The following WDR4 variants were observed in gnomAD, a reference collection of about 807,000 sequenced individuals.
WDR4 encodes tRNA (guanine-N(7)-)-methyltransferase non-catalytic subunit WDR4.
In WDR4, 47 loss-of-function variants were observed where a neutral mutation model predicts 48.6. That is an observed-to-expected ratio of 0.97 (90% CI 0.77 to 1.23). The LOEUF is 1.23. Ranked by LOEUF, WDR4 falls within the 50% of genes most tolerant of loss-of-function variation. The pLI is 0.00. For missense variants in WDR4, 606 were observed against 551.6 expected, an observed-to-expected ratio of 1.10 and a Z score of -0.99; for synonymous variants, 268 against 230.0, an observed-to-expected ratio of 1.17 and a Z score of -1.49.
At chr21:42,861,657 G>C (rs916446099) in intron 5 of WDR4, among the ~76,000 whole-genome samples, 3 of 152,224 alleles carry the variant, frequency 2.0e-5, no homozygotes, top group African/African-American at 7.2e-5. Flanking sequence ...AACAGGAAAT[G>C]TTTGGATCAA....
intron 1 of WDR4, chr21:42,879,100 G>A (rs2058568681): frequency 1.7e-6 from 2 of 1,186,578 alleles, no homozygotes; most frequent in South Asian, 3.1e-5. Context: ...GTCCCCGCCG[G>A]CGCCGCGGAG....
intron 6 of WDR4, among the ~76,000 whole-genome samples, chr21:42,859,420 CCA>C (rs559201669): frequency 2.7e-3 from 412 of 152,228 alleles, no homozygotes; most frequent in African/African-American, 9.7e-3. Context: ...AGGGAGCCTT[CCA>C]CACACCCGTG....
intron 5 of WDR4, among the ~76,000 whole-genome samples, chr21:42,861,316 AAAGG>A (rs1367726206): frequency 7.6e-6 from 1 of 131,018 alleles, no homozygotes; most frequent in Non-Finnish European, 1.6e-5. Context: ...AAGAGAAAAG[AAAGG>A]AAGGGAGGGG....
intron 9 of WDR4, 61 bp downstream of exon 9, chr21:42,853,508 C>T: frequency 1.3e-6 from 2 of 1,536,558 alleles, no homozygotes; most frequent in East Asian, 2.3e-5. Context: ...AGCTGCCGCC[C>T]CACACCCCCA....
At chr21:42,892,253 CAA>C in the WDR4 span, among the ~76,000 whole-genome samples, 57,930 of 122,524 alleles carry the variant, frequency 0.47, 14,416 homozygotes, top group African/African-American at 0.75. Flanking sequence ...GACTCCGTCT[CAA>C]AAAAAAAAAA....
chr21:42,876,639 G>A lies in WDR4; in HGVS notation c.155+63C>T, dbSNP rs1430879409. ...CAAGTAGGACAACAATTGCTTCTTA[G>A]ACCCTCTGGTCCCATTATCGAACCA... On this transcript the variant is annotated intron_variant, in intron 2 of 10. Transcript: ENST00000398208. 2.7e-6 allele frequency: 4 copies of A among 1,496,928 alleles called. No homozygotes were observed. In the East Asian group the frequency reaches 9.1e-5, roughly 34 times the overall value. The allele number at this position is 1,496,928 out of a possible 1,614,324, so 92.7% of individuals were successfully genotyped here.
intron 9 of WDR4, 140 bp from the exon 10 acceptor site, chr21:42,852,464 G>A: frequency 1.2e-6 from 1 of 861,052 alleles, no homozygotes; most frequent in South Asian, 1.7e-5. Flanking sequence ...CACCTTCTGT[G>A]GAGACCTGGG....
chr21:42,859,678 A>G lies in WDR4; in HGVS notation c.611T>C (p.Leu204Pro), dbSNP rs1158473224. ...AACACTTACCCCAGAGGAGGACAGA[A>G]GCAGCCCGGGCTGAGTTGGCACCAC... ...ISVVPTQPGL[L>P]LSSSGDGTLR... Residue 204 changes from leucine (L) to proline (P), a missense_variant, in exon 6 of 11, where the codon CTT becomes CCT. Transcript: ENST00000398208. The G allele has an allele frequency of 5.1e-6, 8 of 1,560,200 alleles. No homozygotes were observed. The highest frequency in any genetic ancestry group is 6.9e-6 in the Non-Finnish European group (8 of 1,152,340).
At chr21:42,859,058 A>G (rs1014952276) in intron 6 of WDR4, among the ~76,000 whole-genome samples, 11 of 152,218 alleles carry the variant, frequency 7.2e-5, no homozygotes, top group South Asian at 6.2e-4. Flanking sequence ...TCTCATCACT[A>G]AACTGTAAGG....
upstream of WDR4, among the ~76,000 whole-genome samples, chr21:42,881,632 C>T (rs2058611835): frequency 6.6e-6 from 1 of 152,140 alleles, no homozygotes; most frequent in South Asian, 2.1e-4. Flanking sequence ...GTTTTCCTCA[C>T]CATTGTTCCA....
chr21:42,877,494 A>AT (rs929169133), intron 1 of WDR4, among the ~76,000 whole-genome samples: 4 of 150,080 alleles, frequency 2.7e-5, no homozygotes, highest in Non-Finnish European at 6.0e-5. Context: ...AAAAAAGTTG[A>AT]TTTTTTTTCT....
chr21:42,853,021 G>T (rs1405096212), intron 9 of WDR4, among the ~76,000 whole-genome samples: 2 of 152,130 alleles, frequency 1.3e-5, no homozygotes, highest in Non-Finnish European at 2.9e-5. Flanking sequence ...GGCGGGCAGG[G>T]GCATTGCTCC....
intron 3 of WDR4, 151 bp downstream of exon 3, chr21:42,873,400 G>A (rs1018917922): frequency 2.7e-6 from 3 of 1,105,976 alleles, no homozygotes; most frequent in Non-Finnish European, 3.9e-6. Context: ...CAACACACAT[G>A]TGGCACTGAA....
rs1269597528 is a variant in WDR4 at position 42,853,611 on chromosome 21, T to C, written c.933A>G (p.Glu311=). ...QGLWVLQDCQ[E]APLVLYRPVG... ...CAGGCCTGTAGAGCACCAGGGGGGC[T>C]TCCTGGCAGTCCTGGAGCACCCACA... is the stretch of plus-strand genomic sequence containing the variant. Residue 311 remains glutamate (E), a synonymous_variant, in exon 9 of 11, where the codon GAA becomes GAG. Transcript: ENST00000398208. 4 of 1,609,932 alleles carry C rather than the reference T, an allele frequency of 2.5e-6. No individual in the cohort carries two copies. The highest frequency in any genetic ancestry group is 3.4e-6 in the Non-Finnish European group (4 of 1,178,910).
upstream of WDR4, chr21:42,879,860 T>C: frequency 2.5e-6 from 1 of 401,646 alleles, no homozygotes; most frequent in African/African-American, 2.1e-5. Context: ...GGCTACTAGA[T>C]GCCTGGTAAA....
At chr21:42,859,761 A>C (rs778950170) in intron 5 of WDR4, 39 bp from the exon 6 acceptor site, 1 of 1,551,044 alleles carries the variant, frequency 6.4e-7, no homozygotes, top group South Asian at 1.2e-5. Context: ...CAGCGAGCCC[A>C]GCGCCCGCAG....
At chr21:42,845,650 G>T (rs1216188703), downstream of WDR4, among the ~76,000 whole-genome samples, 1 of 152,202 alleles carries the variant, frequency 6.6e-6, no homozygotes, top group Non-Finnish European at 1.5e-5. Context: ...CACACTGTGG[G>T]CCTTCCAAGT....
At position 42,873,459 on chromosome 21, in the gene WDR4, C is replaced by T. The variant is rs377197076; in HGVS notation, c.296+92G>A. 308 of 1,544,526 alleles carry T rather than the reference C, an allele frequency of 2.0e-4. 2 individuals carry two copies. In the South Asian group the frequency reaches 3.6e-3, roughly 18 times the overall value. ...GGCTCCGTGTCAACCACTTATCACC[C>T]TTATCACCATGTTATGGTCACTATT... On this transcript the variant is annotated intron_variant, in intron 3 of 10. Coordinates refer to ENST00000398208, the MANE Select transcript of WDR4 (RefSeq NM_018669.6).
At chr21:42,868,369 T>C (rs2058296099) in intron 3 of WDR4, among the ~76,000 whole-genome samples, 1 of 152,196 alleles carries the variant, frequency 6.6e-6, no homozygotes, top group African/African-American at 2.4e-5. Flanking sequence ...CGTCTCCATC[T>C]TTCTGGCAAC....
Sources: gnomAD v4.1 joint callset for allele counts (sites outside exome capture counted in the v4.1 genomes callset) on GRCh38, gnomAD v4.1.1 for gene constraint, MANE v1.5 for transcripts, NCBI Gene and HGNC (gene_info 2026-07-23, HGNC 2026-07-21) for gene names.